ALDH1A2: variants seen among roughly 807,000 people sequenced by gnomAD.
ALDH1A2 encodes the protein aldehyde dehydrogenase 1 family member A2.
In ALDH1A2, 27 loss-of-function variants were observed where a neutral mutation model predicts 60.3. The ratio of observed to expected loss-of-function variants is 0.45; its 90% CI spans 0.33 to 0.62. The LOEUF is 0.62. Ranked by LOEUF, ALDH1A2 falls within the 20% of genes least tolerant of loss-of-function variation. The pLI is 0.02. For synonymous variants in ALDH1A2, 289 were observed against 232.4 expected (o/e 1.24, Z -2.21); for missense variants, 581 against 643.8 (o/e 0.90, Z 1.06).
At chr15:57,965,223 C>T (rs1445542811) in intron 8 of ALDH1A2, among the ~76,000 whole-genome samples, 2 of 152,196 alleles carry the variant, frequency 1.3e-5, no homozygotes, top group Non-Finnish European at 2.9e-5. Flanking sequence ...AACTGACCCA[C>T]GTGTGCTGTC....
intron 1 of ALDH1A2, among the ~76,000 whole-genome samples, chr15:58,048,534 G>T (rs562578526): frequency 2.0e-5 from 3 of 152,056 alleles, no homozygotes; most frequent in Non-Finnish European, 2.9e-5. Context: ...ATTGAGAAGG[G>T]AAGTATGGAT....
chr15:57,965,806 C>T lies in ALDH1A2; in HGVS notation c.820G>A (p.Ala274Thr). ...STEVGKLIQE[A>T]AGRSNLKRVT... is the part of the protein sequence containing the mutation. ...CTCTTCAAATTACTTCTTCCAGCTG[C>T]TTCTTGGATAAGCTTTCCAACCTGA... is the stretch of plus-strand genomic sequence containing the variant. The change falls in exon 8 of 13, where the codon GCA (alanine) becomes ACA (threonine). Residue 274 changes from alanine (A) to threonine (T), a missense_variant. This residue lies in a region of ALDH1A2 where 375 missense variants were observed against 469.7 expected (regional missense o/e 0.80). Transcript: ENST00000249750. The T allele has an allele frequency of 1.9e-6, 3 of 1,614,120 alleles. No individual in the cohort carries two copies. Among genetic ancestry groups the T allele is most frequent in the Non-Finnish European group, 1.7e-6 (2 of 1,179,970 alleles).
At chr15:58,009,266 G>A (rs1895553382) in intron 4 of ALDH1A2, among the ~76,000 whole-genome samples, 3 of 151,942 alleles carry the variant, frequency 2.0e-5, no homozygotes, top group African/African-American at 7.2e-5. Context: ...CAATGCAGAG[G>A]ACCAGAAGCT....
At chr15:57,956,594 C>T (rs192141425) in intron 12 of ALDH1A2, among the ~76,000 whole-genome samples, 40 of 152,242 alleles carry the variant, frequency 2.6e-4, no homozygotes, top group Middle Eastern at 6.8e-3. Context: ...TAGTTCATTT[C>T]GCTTAAAGCA....
chr15:58,004,573 G>A (rs1361594009), intron 4 of ALDH1A2, among the ~76,000 whole-genome samples: 2 of 151,236 alleles, frequency 1.3e-5, no homozygotes, highest in Non-Finnish European at 3.0e-5. Context: ...GAAAGCATGT[G>A]GTATTAGTTT....
intron 12 of ALDH1A2, among the ~76,000 whole-genome samples, chr15:57,956,535 A>C (rs549909591): frequency 6.6e-6 from 1 of 152,282 alleles, no homozygotes; most frequent in South Asian, 2.1e-4. Flanking sequence ...GGGACAACAG[A>C]GGGCGGCCAA....
chr15:57,986,571 C>CAAAAAAAA (rs71116542), intron 7 of ALDH1A2, among the ~76,000 whole-genome samples: 2 of 82,074 alleles, frequency 2.4e-5, no homozygotes, highest in African/African-American at 5.1e-5. Context: ...ACAGAAAAGC[C>CAAAAAAAA]AAAAAAAAAA....
At chr15:58,065,146 C>T (rs1897143184) in intron 1 of ALDH1A2, 1 of 290,994 alleles carries the variant, frequency 3.4e-6, no homozygotes, top group South Asian at 2.9e-5. Context: ...CGAGAGGCGA[C>T]GGCCAGGCTG....
chr15:57,963,812 C>A lies in ALDH1A2; in HGVS notation c.1086+73G>T, dbSNP rs1893805962. 7 of 1,511,192 alleles carry A rather than the reference C, an allele frequency of 4.6e-6. No individual in the cohort carries two copies. The South Asian group carries it at 6.9e-5, about 15-fold the overall frequency. 93.6% of individuals were successfully genotyped at this position (1,511,192 alleles called of 1,614,324 possible). ...AAAGGAAGATGTCGCTTTGCTGGGA[C>A]CTACTACAGTGTACACAGTTCTGTG... is the stretch of plus-strand genomic sequence containing the variant. On this transcript the variant is annotated intron_variant, in intron 9 of 12. Transcript: ENST00000249750.
intron 7 of ALDH1A2, among the ~76,000 whole-genome samples, chr15:57,970,341 G>T (rs888687375): frequency 2.6e-5 from 4 of 152,264 alleles, no homozygotes; most frequent in Middle Eastern, 3.4e-3. Context: ...CAGTGAACTG[G>T]GGGCTCCTCC....
chr15:58,027,663 T>A (rs1267013043), intron 1 of ALDH1A2, among the ~76,000 whole-genome samples: 1 of 152,096 alleles, frequency 6.6e-6, no homozygotes, highest in African/African-American at 2.4e-5. Context: ...AAAGGTTAGA[T>A]GAATGGCTAA....
Position 57,965,710 on chromosome 15 carries a change from C to T in ALDH1A2, c.901+15G>A. 2 of 1,584,426 alleles carry T rather than the reference C, an allele frequency of 1.3e-6. No homozygotes were observed. The highest frequency in any genetic ancestry group is 1.7e-6 in the Non-Finnish European group (2 of 1,152,930). ...GTGTGTGGTGGTTCATGTATGGGAC[C>T]TGTAGTTGACTTACAGTCAGCATCA... is the stretch of plus-strand genomic sequence containing the variant. On this transcript the variant is annotated intron_variant, in intron 8 of 12. Transcript: ENST00000249750.
At chr15:57,959,906 C>T (rs148997286) in intron 12 of ALDH1A2, among the ~76,000 whole-genome samples, 1 of 152,308 alleles carries the variant, frequency 6.6e-6, no homozygotes, top group East Asian at 1.9e-4. Context: ...CAAACACACA[C>T]TACCGTTATT....
chr15:57,988,503 T>C (rs1245364370), intron 7 of ALDH1A2, among the ~76,000 whole-genome samples: 5 of 151,896 alleles, frequency 3.3e-5, no homozygotes, highest in Non-Finnish European at 7.4e-5. Context: ...ACACGAAGAG[T>C]AGATATTATT....
chr15:58,019,164 A>C (rs951678717), intron 1 of ALDH1A2, among the ~76,000 whole-genome samples: 2 of 152,138 alleles, frequency 1.3e-5, no homozygotes, highest in Non-Finnish European at 2.9e-5. Context: ...CAAAAAAAAA[A>C]GTTTAAAAGT....
intron 12 of ALDH1A2, 47 bp from the exon 13 acceptor site, chr15:57,955,316 C>G: frequency 1.2e-6 from 2 of 1,603,040 alleles, no homozygotes; most frequent in Non-Finnish European, 1.7e-6. Flanking sequence ...GTCCAGGGAG[C>G]TGCATGTGAG....
intron 7 of ALDH1A2, among the ~76,000 whole-genome samples, chr15:57,978,313 G>A (rs554995645): frequency 5.9e-5 from 9 of 152,276 alleles, no homozygotes; most frequent in East Asian, 1.9e-4. Context: ...CATTCAGTAC[G>A]ATGTTGCCTG....
At chr15:58,045,938 C>T (rs1167744768) in intron 1 of ALDH1A2, among the ~76,000 whole-genome samples, 2 of 151,868 alleles carry the variant, frequency 1.3e-5, no homozygotes, top group African/African-American at 4.8e-5. Flanking sequence ...TCCACACATG[C>T]ATTTGAAAAA....
intron 7 of ALDH1A2, among the ~76,000 whole-genome samples, chr15:57,979,072 G>A (rs1328490314): frequency 6.6e-6 from 1 of 151,980 alleles, no homozygotes; most frequent in African/African-American, 2.4e-5. Context: ...GGAGTTGGGG[G>A]GATTAGGCCC....
Sources: gnomAD v4.1 joint callset for allele counts (sites outside exome capture counted in the v4.1 genomes callset) on GRCh38, gnomAD v4.1.1 for gene constraint, gnomAD v4.1.1 regional missense constraint, MANE v1.5 for transcripts, NCBI Gene and HGNC (gene_info 2026-07-23, HGNC 2026-07-21) for gene names.